The following ATP6V1C2 variants were observed in gnomAD, a reference collection of about 807,000 sequenced individuals.
ATP6V1C2 encodes the protein V-type proton ATPase subunit C 2.
Under a neutral mutation model 56.8 loss-of-function variants are expected in ATP6V1C2, and 45 were observed. That is an observed-to-expected ratio of 0.79 (90% confidence interval 0.62 to 1.02). ATP6V1C2 has a LOEUF of 1.02. Ranked by LOEUF, ATP6V1C2 falls within the 50% of genes least tolerant of loss-of-function variation. ATP6V1C2 has a pLI of 0.00. For synonymous variants in ATP6V1C2, 220 were observed against 201.3 expected (o/e 1.09, Z -0.79); for missense variants, 463 against 519.7 (o/e 0.89, Z 1.06).
At position 10,763,641 on chromosome 2, in the gene ATP6V1C2, A is replaced by C. The variant is rs1664053854; in HGVS notation, c.284-690A>C. 6.6e-6 allele frequency among the ~76,000 whole-genome samples: 1 copy of C among 152,146 alleles called. No individual in the cohort carries two copies. On this transcript the variant is annotated intron_variant, in intron 4 of 13. Transcript: ENST00000272238. This position sits in a 1 kb window ranked among gnomAD's most constrained non-coding sequence, Gnocchi z 4.2. ...ACCGTGGCGCTGCAGCTTCCAGGGA[A>C]TTTCCCGCTCTTCCATAGACCCGGC... is the stretch of plus-strand genomic sequence containing the variant.
At chr2:10,736,831 C>G (rs1380744257) in intron 3 of ATP6V1C2, among the ~76,000 whole-genome samples, 1 of 132,288 alleles carries the variant, frequency 7.6e-6, no homozygotes, top group Admixed American at 8.4e-5. Flanking sequence ...CTGACAAGCT[C>G]GAACTCCTGG....
chr2:10,738,605 C>T (rs762446437), intron 3 of ATP6V1C2, among the ~76,000 whole-genome samples: 3 of 152,312 alleles, frequency 2.0e-5, no homozygotes, highest in East Asian at 1.9e-4. Flanking sequence ...TGGTGCTCAT[C>T]GCAGCCCCAG....
intron 3 of ATP6V1C2, among the ~76,000 whole-genome samples, chr2:10,749,218 G>A (rs1482121241): frequency 6.6e-6 from 1 of 151,794 alleles, no homozygotes; most frequent in Non-Finnish European, 1.5e-5. Flanking sequence ...AAAGAGGCTG[G>A]GTATGGTGGC....
chr2:10,735,993 C>T (rs1014931374), intron 3 of ATP6V1C2, among the ~76,000 whole-genome samples: 4 of 152,184 alleles, frequency 2.6e-5, no homozygotes, highest in Admixed American at 2.6e-4. Context: ...GTGTTGCTGG[C>T]CTGAAGACCA....
intron 5 of ATP6V1C2, among the ~76,000 whole-genome samples, chr2:10,766,630 G>C (rs1211149408): frequency 1.3e-5 from 2 of 152,030 alleles, no homozygotes; most frequent in Non-Finnish European, 2.9e-5. Flanking sequence ...TAAAAAGCAA[G>C]ATCTGTGGAT....
intron 10 of ATP6V1C2, among the ~76,000 whole-genome samples, chr2:10,775,979 G>A (rs1332366048): frequency 1.3e-5 from 2 of 152,178 alleles, no homozygotes; most frequent in South Asian, 2.1e-4. Context: ...GAGGAGCGCC[G>A]TGGCCGCGGG....
At position 10,722,828 on chromosome 2, in the gene ATP6V1C2, T is replaced by C. The variant is rs1479534595; in HGVS notation, c.-22T>C. On this transcript the variant is annotated 5_prime_UTR_variant, in exon 2 of 14. Transcript: ENST00000272238. ...GTTTGTCCTGGTTCTGGGCAGTCAC[T>C]GGGTAAGAGAAGACTGGAAGCATGT... 1 of 1,613,554 alleles carries C rather than the reference T, an allele frequency of 6.2e-7. No individual in the cohort carries two copies. The highest frequency in any genetic ancestry group is 2.2e-5 in the East Asian group (1 of 44,866).
intron 13 of ATP6V1C2, 146 bp from the exon 14 acceptor site, chr2:10,783,028 C>T (rs769917999): frequency 6.8e-6 from 4 of 585,692 alleles, no homozygotes; most frequent in Non-Finnish European, 1.2e-5. Flanking sequence ...CACATTAAAG[C>T]ACAGCAAGGA....
At chr2:10,762,505 A>T (rs1663970526) in intron 4 of ATP6V1C2, among the ~76,000 whole-genome samples, 1 of 152,172 alleles carries the variant, frequency 6.6e-6, no homozygotes, top group African/African-American at 2.4e-5. Context: ...AGTAAGTGCC[A>T]GCCGCTTTAA....
At position 10,784,886 on chromosome 2, in the gene ATP6V1C2, G is replaced by T; in HGVS notation, c.*1623G>T. On this transcript the variant is annotated 3_prime_UTR_variant, in exon 14 of 14. Coordinates refer to ENST00000272238, the MANE Select transcript of ATP6V1C2 (RefSeq NM_001039362.2). ...GGTGCAGAGATGCACAGGCTCAAGA[G>T]AGTAAACCAGGACTGCTGCCCGCAC... 1 of 1,330,206 alleles carries T rather than the reference G, an allele frequency of 7.5e-7. No individual in the cohort carries two copies. Among genetic ancestry groups the T allele is most frequent in the South Asian group, 1.3e-5 (1 of 79,776 alleles). The allele number at this position is 1,330,206 out of a possible 1,614,324, so 82.4% of individuals were successfully genotyped here.
At chr2:10,746,504 C>T (rs1662924767) in intron 3 of ATP6V1C2, among the ~76,000 whole-genome samples, 1 of 151,876 alleles carries the variant, frequency 6.6e-6, no homozygotes. Flanking sequence ...CCTCCACCTC[C>T]CAGGTTCAAG....
At chr2:10,776,959 T>C (rs985128816) in intron 10 of ATP6V1C2, among the ~76,000 whole-genome samples, 1 of 152,202 alleles carries the variant, frequency 6.6e-6, no homozygotes, top group Admixed American at 6.5e-5. Flanking sequence ...TCTGGCCCCC[T>C]CTGGCCTATC....
At chr2:10,740,711 A>G (rs1662502792) in intron 3 of ATP6V1C2, among the ~76,000 whole-genome samples, 1 of 152,172 alleles carries the variant, frequency 6.6e-6, no homozygotes, top group African/African-American at 2.4e-5. Context: ...TTTGAGACCA[A>G]ATCTCACTCT....
chr2:10,784,400 G>A lies in ATP6V1C2; in HGVS notation c.*1137G>A. ...TGGAAGGTCAACATCTCATTTTATG[G>A]AAGAGCGACTCTCTGGAGCTACTCC... On this transcript the variant is annotated 3_prime_UTR_variant, in exon 14 of 14. Coordinates refer to ENST00000272238, the MANE Select transcript of ATP6V1C2 (RefSeq NM_001039362.2). 1 of 1,138,164 alleles carries A rather than the reference G, an allele frequency of 8.8e-7. No homozygotes were observed. The allele number at this position is 1,138,164 out of a possible 1,614,324, so 70.5% of individuals were successfully genotyped here. A position where few individuals can be genotyped will look rare whatever the true frequency, so the allele number is the denominator to read the frequency against.
rs1198355741 is a variant in ATP6V1C2, at chr2:10,728,677, G to A, written c.197+2108G>A. Among the ~76,000 whole-genome samples, 11 of 151,584 alleles carry A rather than the reference G, an allele frequency of 7.3e-5. No homozygotes were observed. In the Admixed American group the frequency reaches 7.3e-4, roughly 10 times the overall value. On this transcript the variant is annotated intron_variant, in intron 3 of 13. Coordinates refer to ENST00000272238, the MANE Select transcript of ATP6V1C2 (RefSeq NM_001039362.2). ...TGTAGTGCCAGCTATGCAGGAGGCT[G>A]AGGTGGAAGAATCACCTGAGCCTGG... is the stretch of plus-strand genomic sequence containing the variant.
chr2:10,775,975 C>A (rs893959982), intron 10 of ATP6V1C2, among the ~76,000 whole-genome samples: 2 of 152,112 alleles, frequency 1.3e-5, no homozygotes, highest in African/African-American at 4.8e-5. Context: ...TGGGGAGGAG[C>A]GCCGTGGCCG....
intron 4 of ATP6V1C2, among the ~76,000 whole-genome samples, chr2:10,762,536 G>T (rs895960109): frequency 6.6e-6 from 1 of 152,110 alleles, no homozygotes; most frequent in African/African-American, 2.4e-5. Context: ...CACCGTCGTC[G>T]TCCTGTTATC....
In ATP6V1C2 at chr2:10,722,786, T is replaced by C. The variant is rs1165780069; in HGVS notation, c.-26-38T>C. On this transcript the variant is annotated intron_variant, in intron 1 of 13. Transcript: ENST00000272238. ...GGGATATCTGACACATCTCTCCTTC[T>C]GTTTCTGTTTGTGTATGTTTGTCCT... 3.8e-6 allele frequency: 6 copies of C among 1,592,200 alleles called. No homozygotes were observed. The Admixed American group carries it at 1.0e-4, about 27-fold the overall frequency.
At chr2:10,769,873 T>TTTTCA (rs1351791708) in intron 6 of ATP6V1C2, 1 of 152,118 alleles carries the variant, frequency 6.6e-6, no homozygotes, top group Non-Finnish European at 1.5e-5. Flanking sequence ...TGGTCAATTG[T>TTTTCA]AGAGTTTTCA....
Sources: gnomAD v4.1 joint callset for allele counts (sites outside exome capture counted in the v4.1 genomes callset) on GRCh38, gnomAD v4.1.1 for gene constraint, Gnocchi (gnomAD v3.1) non-coding constraint, MANE v1.5 for transcripts, NCBI Gene and HGNC (gene_info 2026-07-23, HGNC 2026-07-21) for gene names.